Variants in MYOF observed in about 807,000 individuals in gnomAD.
MYOF encodes the protein myoferlin, also known as fer-1-like 3, myoferlin.
MYOF carries 244 observed loss-of-function variants against 284.2 expected under a neutral mutation model. The observed-to-expected ratio is 0.86, with a 90% CI of 0.77 to 0.95. The LOEUF is 0.95. Among genes scored for constraint, MYOF ranks in the 40% least tolerant of loss-of-function variants. The pLI, the probability that MYOF is intolerant of heterozygous loss-of-function variation, is 0.00. For synonymous variants in MYOF, 904 were observed against 919.7 expected, an observed-to-expected ratio of 0.98 and a Z score of 0.31; for missense variants, 2,496 against 2,560.6, an observed-to-expected ratio of 0.97 and a Z score of 0.54.
At chr10:93,327,074 G>A (rs1843081428) in intron 45 of MYOF, among the ~76,000 whole-genome samples, 1 of 152,078 alleles carries the variant, frequency 6.6e-6, no homozygotes, top group African/African-American at 2.4e-5. Context: ...CCAAGGCTTA[G>A]ACACAAAAGG....
chr10:93,412,537 G>A (rs1336134728), intron 5 of MYOF, among the ~76,000 whole-genome samples: 1 of 152,090 alleles, frequency 6.6e-6, no homozygotes, highest in African/African-American at 2.4e-5. Context: ...TCTTCCAGAT[G>A]GAGTTAGTCC....
chr10:93,325,881 G>C lies in MYOF; in HGVS notation c.5216C>G (p.Pro1739Arg). ...CAAAGTCCTTGTTTCCACGTGCTCAGGGACCAGCCCCTGAGTCCTGAGGAT... is the reference window on the plus strand; with the variant it reads ...CAAAGTCCTTGTTTCCACGTGCTCACGGACCAGCCCCTGAGTCCTGAGGAT... ...LHILRTQGLV[P>R]EHVETRTLHS... The change falls in exon 46 of 54, where the codon CCT becomes CGT. Residue 1739 changes from proline (P) to arginine (R), a missense_variant. Transcript: ENST00000359263. The C allele has an allele frequency of 1.9e-6, 3 of 1,614,128 alleles. No individual in the cohort carries two copies. The highest frequency in any genetic ancestry group is 2.5e-6 in the Non-Finnish European group (3 of 1,180,040).
At chr10:93,454,442 T>C (rs141755966) in intron 2 of MYOF, among the ~76,000 whole-genome samples, 9 of 152,264 alleles carry the variant, frequency 5.9e-5, no homozygotes, top group African/African-American at 1.9e-4. Context: ...AATCTCAAAT[T>C]TGAAGAGATG....
Position 93,399,029 on chromosome 10 carries a change from T to TG in MYOF, c.1221+362dup, listed in dbSNP as rs67935510. On this transcript the variant is annotated intron_variant, in intron 13 of 53. Coordinates refer to ENST00000359263, the MANE Select transcript of MYOF (RefSeq NM_013451.4). ...ATGACAGGAAGGGGCAACAGGGCACTGGGGGGGGGTCTCTGTCCTACAACA... is the reference window on the plus strand; with the variant it reads ...ATGACAGGAAGGGGCAACAGGGCACTGGGGGGGGGGTCTCTGTCCTACAACA... Among the ~76,000 whole-genome samples, 812 of 150,754 alleles carry TG rather than the reference T, an allele frequency of 5.4e-3. 6 individuals carry two copies. Among genetic ancestry groups the TG allele is most frequent in the African/African-American group, 0.019 (757 of 40,844 alleles).
At chr10:93,452,905 G>A (rs947517151) in intron 2 of MYOF, among the ~76,000 whole-genome samples, 9 of 151,688 alleles carry the variant, frequency 5.9e-5, no homozygotes, top group Admixed American at 4.6e-4. Flanking sequence ...ATAATATACC[G>A]ACCTTTCTGA....
intron 46 of MYOF, among the ~76,000 whole-genome samples, chr10:93,325,513 G>C (rs886888301): frequency 3.3e-5 from 5 of 152,162 alleles, no homozygotes; most frequent in African/African-American, 7.2e-5. Context: ...AGGACTCTCT[G>C]TAATATCTGG....
intron 1 of MYOF, among the ~76,000 whole-genome samples, chr10:93,460,038 G>A (rs542309739): frequency 1.3e-5 from 2 of 152,238 alleles, no homozygotes; most frequent in South Asian, 2.1e-4. Flanking sequence ...GCAAGGAGAA[G>A]GCAGAAAATA....
At chr10:93,357,452 C>A (rs1177546901) in intron 29 of MYOF, among the ~76,000 whole-genome samples, 1 of 152,118 alleles carries the variant, frequency 6.6e-6, no homozygotes, top group Non-Finnish European at 1.5e-5. Flanking sequence ...AATATGAGTG[C>A]CCACTGTGTG....
chr10:93,401,440 G>A lies in MYOF; in HGVS notation c.1095C>T (p.Tyr365=), dbSNP rs956707960. Residue 365 remains tyrosine (Y), a synonymous_variant, in exon 12 of 54, where the codon TAC becomes TAT. Coordinates refer to ENST00000359263, the MANE Select transcript of MYOF (RefSeq NM_013451.4). ...LRWVTFLLKI[Y]RAEDIPQMDD... is the part of the protein sequence containing the mutation. The stretch of plus-strand genomic sequence containing the variant: ...TACTCTGGGGGATGTCCTCAGCTCG[G>A]TAGATTTTCAGCAAGAAGGTCACCC... 2 of 1,614,108 alleles carry A rather than the reference G, an allele frequency of 1.2e-6. No homozygotes were observed. Among genetic ancestry groups the A allele is most frequent in the Admixed American group, 1.7e-5 (1 of 60,008 alleles).
intron 5 of MYOF, among the ~76,000 whole-genome samples, chr10:93,419,763 TG>T (rs1848278938): frequency 6.6e-6 from 1 of 152,200 alleles, no homozygotes; most frequent in African/African-American, 2.4e-5. Context: ...AGCTCCTTGG[TG>T]GTAAAACAAT....
intron 4 of MYOF, among the ~76,000 whole-genome samples, chr10:93,430,308 G>A (rs532243570): frequency 1.1e-4 from 16 of 152,090 alleles, no homozygotes; most frequent in African/African-American, 3.1e-4. Context: ...GAGGCCAGGC[G>A]TGGTGGCTCA....
chr10:93,387,951 C>A, intron 18 of MYOF, 38 bp from the exon 19 acceptor site: 1 of 1,518,326 alleles, frequency 6.6e-7, no homozygotes, highest in Admixed American at 1.7e-5. Context: ...CTCTAGGCAG[C>A]AACAGCAAAA....
At chr10:93,427,217 C>A (rs112275160) in intron 4 of MYOF, among the ~76,000 whole-genome samples, 12,622 of 142,738 alleles carry the variant, frequency 0.088, 1,465 homozygotes, top group African/African-American at 0.27. Context: ...CAAAACAAAA[C>A]AAAAAAAAAC....
chr10:93,431,024 C>CTTTTTTTTT (rs113713765), intron 4 of MYOF, among the ~76,000 whole-genome samples: 19 of 117,848 alleles, frequency 1.6e-4, no homozygotes, highest in South Asian at 2.6e-4. Flanking sequence ...TTTTTCTTTT[C>CTTTTTTTTT]TTTTTTTTTT....
intron 3 of MYOF, among the ~76,000 whole-genome samples, chr10:93,451,213 G>A (rs1224668464): frequency 4.6e-5 from 7 of 152,076 alleles, no homozygotes; most frequent in African/African-American, 1.4e-4. Flanking sequence ...GGTGGTGCAC[G>A]CCTGTAATTC....
intron 52 of MYOF, 152 bp from the exon 53 acceptor site, chr10:93,310,319 C>G (rs117078251): frequency 0.042 from 47,191 of 1,124,560 alleles, 1,262 homozygotes; most frequent in Non-Finnish European, 0.051. Flanking sequence ...GGCTCTTTAA[C>G]CTACGACAGC....
intron 1 of MYOF, among the ~76,000 whole-genome samples, chr10:93,471,763 C>T (rs1202281941): frequency 3.3e-5 from 5 of 152,026 alleles, no homozygotes; most frequent in East Asian, 3.9e-4. Context: ...GTGGCATGCT[C>T]CTGTAATCCT....
At chr10:93,424,896 A>G (rs1022321661) in intron 5 of MYOF, among the ~76,000 whole-genome samples, 1 of 148,894 alleles carries the variant, frequency 6.7e-6, no homozygotes, top group African/African-American at 2.5e-5. Flanking sequence ...CTCAGCAACA[A>G]GTGCAGGACT....
At chr10:93,323,467 T>A in intron 46 of MYOF, 109 bp from the exon 47 acceptor site, 1 of 950,154 alleles carries the variant, frequency 1.1e-6, no homozygotes, top group Non-Finnish European at 1.6e-6. Flanking sequence ...TTGGTCTCTC[T>A]AATTTATTAG....
Sources: gnomAD v4.1 joint callset for allele counts (sites outside exome capture counted in the v4.1 genomes callset) on GRCh38, gnomAD v4.1.1 for gene constraint, MANE v1.5 for transcripts, NCBI Gene and HGNC (gene_info 2026-07-23, HGNC 2026-07-21) for gene names.